CYFIP1: variants seen among roughly 807,000 people sequenced by gnomAD.
CYFIP1 encodes the protein cytoplasmic FMR1-interacting protein 1.
Under a neutral mutation model 163.5 loss-of-function variants are expected in CYFIP1, and 58 were observed. That is an observed-to-expected ratio of 0.35 (90% CI 0.29 to 0.44). The LOEUF (loss-of-function observed/expected upper bound fraction) is 0.44, where lower values mean the gene tolerates loss of function less well. CYFIP1 is among the 20% of genes least tolerant of loss of function. The pLI, the probability that CYFIP1 is intolerant of heterozygous loss-of-function variation, is 1.00. For synonymous variants in CYFIP1, 663 were observed against 660.7 expected, an observed-to-expected ratio of 1.00 and a Z score of -0.05; for missense variants, 1,338 against 1,653.8, an observed-to-expected ratio of 0.81 and a Z score of 3.31.
chr15:22,914,800 C>T lies in CYFIP1; in HGVS notation c.1911G>A (p.Gln637=), dbSNP rs752717639. 6 of 1,613,746 alleles carry T rather than the reference C, an allele frequency of 3.7e-6. No individual in the cohort carries two copies. The East Asian group carries it at 1.3e-4, about 36-fold the overall frequency. ...AGGGCATCGACATCTCAATGGGGAA[C>T]TGGATCCTCCTGCCCATGGTCAGCT... is the stretch of plus-strand genomic sequence containing the variant. ...FLELTMGRRI[Q]FPIEMSMPWI... The change falls in exon 17 of 31, where the codon CAG becomes CAA. Residue 637 remains glutamine, a synonymous_variant. Transcript: ENST00000617928.
At chr15:22,944,205 C>T (rs1174006817) in intron 5 of CYFIP1, among the ~76,000 whole-genome samples, 5 of 141,936 alleles carry the variant, frequency 3.5e-5, no homozygotes, top group Non-Finnish European at 7.5e-5. Context: ...TGCCATTGCA[C>T]TCTAGCCAGG....
rs141272440 is a variant in CYFIP1, at chr15:22,905,403, G to C, written c.2389-1498C>G. 1.9e-3 allele frequency: 287 copies of C among 152,016 alleles called. 3 individuals carry two copies. The highest frequency in any genetic ancestry group is 6.3e-3 in the African/African-American group (261 of 41,466). The allele number at this position is 152,016 out of a possible 1,614,324, so 9.4% of individuals were successfully genotyped here. ...GGTACACTGAATCTTCATCATCCAT[G>C]ATGATGATCATCTGAGAACATCATT... On this transcript the variant is annotated intron_variant, in intron 21 of 30. Coordinates refer to ENST00000617928, the MANE Select transcript of CYFIP1 (RefSeq NM_014608.6).
chr15:22,924,112 C>T (rs548014451), intron 13 of CYFIP1, among the ~76,000 whole-genome samples: 1 of 151,956 alleles, frequency 6.6e-6, no homozygotes, highest in Admixed American at 6.6e-5. Context: ...AACAGTGATA[C>T]CTGTGTGAAT....
At chr15:22,904,699 C>T (rs1040986823) in intron 21 of CYFIP1, 5 of 152,156 alleles carry the variant, frequency 3.3e-5, no homozygotes, top group African/African-American at 9.7e-5. Flanking sequence ...ATCAAAGCCT[C>T]GACCAATGAT....
chr15:22,980,229 G>A (rs1181146414), intron 1 of CYFIP1, 58 bp downstream of exon 1: 1 of 151,554 alleles, frequency 6.6e-6, no homozygotes, highest in African/African-American at 2.4e-5. Context: ...CAGGTTCCGA[G>A]GGGGACCCGG....
At chr15:22,978,147 T>C (rs2063339481) in intron 1 of CYFIP1, among the ~76,000 whole-genome samples, 2 of 150,358 alleles carry the variant, frequency 1.3e-5, no homozygotes, top group Admixed American at 1.3e-4. Flanking sequence ...AGGTCAGGAG[T>C]TCAAGACCAG....
intron 23 of CYFIP1, among the ~76,000 whole-genome samples, chr15:22,888,976 T>C (rs889829868): frequency 1.3e-5 from 2 of 151,042 alleles, no homozygotes; most frequent in Admixed American, 1.3e-4. Flanking sequence ...CAATAATCAC[T>C]GGAGGTTGCA....
Position 22,957,063 on chromosome 15 carries a change from G to T in CYFIP1, c.-6-9772C>A, listed in dbSNP as rs538587473. Among the ~76,000 whole-genome samples the T allele has an allele frequency of 3.0e-3, 457 of 152,360 alleles. 2 individuals carry two copies. The highest frequency in any genetic ancestry group is 0.01 in the African/African-American group (435 of 41,582). ...CAATCCAGAAAATGCAGAAGCGAAG[G>T]CGTCGGTGCCACGCAGGCGGCAGTG... is the stretch of plus-strand genomic sequence containing the variant. On this transcript the variant is annotated intron_variant, in intron 1 of 30. Coordinates refer to ENST00000617928, the MANE Select transcript of CYFIP1 (RefSeq NM_014608.6).
chr15:22,936,815 C>T (rs1045058094), intron 9 of CYFIP1, among the ~76,000 whole-genome samples: 5 of 152,214 alleles, frequency 3.3e-5, no homozygotes, highest in Non-Finnish European at 7.3e-5. Flanking sequence ...CTACGGGCTT[C>T]CTCCAGGATG....
chr15:22,870,357 CTG>C, intron 30 of CYFIP1, among the ~76,000 whole-genome samples, 165 bp from the exon 31 acceptor site: 1 of 151,998 alleles, frequency 6.6e-6, no homozygotes, highest in Non-Finnish European at 1.5e-5. Context: ...GGGTCTCACT[CTG>C]ACGCCCAGGC....
At chr15:22,894,808 T>C (rs562695311) in intron 22 of CYFIP1, among the ~76,000 whole-genome samples, 1 of 147,788 alleles carries the variant, frequency 6.8e-6, no homozygotes, top group Non-Finnish European at 1.5e-5. Context: ...TACATGTATT[T>C]ATTCTATATA....
chr15:22,928,743 A>C (rs1306587637), intron 11 of CYFIP1, among the ~76,000 whole-genome samples: 1 of 152,230 alleles, frequency 6.6e-6, no homozygotes. Flanking sequence ...CTTTTTATAG[A>C]TGTGATATTA....
chr15:22,909,230 A>C lies in CYFIP1; in HGVS notation c.2352T>G (p.Ile784Met). ...AAMYKSLELAIGRFESEDLTS... is the reference protein window; with the variant it reads ...AAMYKSLELAMGRFESEDLTS... ...TCAAATCTTCACTTTCAAATCGTCC[A>C]ATCGCCAGTTCTAGGGACTTATACA... The change falls in exon 21 of 31, where the codon ATT (isoleucine) becomes ATG (methionine). Residue 784 changes from isoleucine to methionine, a missense_variant. Around this residue, in one of 4 missense-constraint regions of CYFIP1, gnomAD observed 824 missense variants for 995.7 expected, o/e 0.83. Transcript: ENST00000617928. The C allele has an allele frequency of 6.2e-7, 1 of 1,614,204 alleles. No homozygotes were observed. The highest frequency in any genetic ancestry group is 8.5e-7 in the Non-Finnish European group (1 of 1,180,020).
At chr15:22,979,064 T>C (rs960884803) in intron 1 of CYFIP1, among the ~76,000 whole-genome samples, 1 of 152,100 alleles carries the variant, frequency 6.6e-6, no homozygotes, top group African/African-American at 2.4e-5. Context: ...CAGACACCTG[T>C]CTTAACGCAG....
intron 16 of CYFIP1, 160 bp from the exon 17 acceptor site, chr15:22,915,042 C>A: frequency 1.6e-6 from 1 of 635,522 alleles, no homozygotes; most frequent in Non-Finnish European, 2.5e-6. Flanking sequence ...GGGCCTTGCA[C>A]TAGGGACAGG....
In CYFIP1 at chr15:22,917,646, C is replaced by G; in HGVS notation, c.1674+142G>C. The G allele has an allele frequency of 9.6e-7, 1 of 1,038,528 alleles. No individual in the cohort carries two copies. Among genetic ancestry groups the G allele is most frequent in the Non-Finnish European group, 1.3e-6 (1 of 746,032 alleles). 64.3% of individuals were successfully genotyped at this position (1,038,528 alleles called of 1,614,324 possible). On this transcript the variant is annotated intron_variant, in intron 15 of 30. Transcript: ENST00000617928. This position sits in a 1 kb window ranked among gnomAD's most constrained non-coding sequence, Gnocchi z 4.2. Reference sequence around the variant, plus strand: ...ACTTGGGTGGGAAACAGAGGAGCAGCAGAAACCACAGGCGCCACTTTCTCT... The same window carrying G: ...ACTTGGGTGGGAAACAGAGGAGCAGGAGAAACCACAGGCGCCACTTTCTCT...
Position 22,910,769 on chromosome 15 carries a change from C to G in CYFIP1, c.2127G>C (p.Gln709His), listed in dbSNP as rs754116122. The change falls in exon 19 of 31, where the codon CAG (glutamine) becomes CAC (histidine). Residue 709 changes from glutamine to histidine, a missense_variant. Around this residue, in one of 4 missense-constraint regions of CYFIP1, gnomAD observed 824 missense variants for 995.7 expected, o/e 0.83. Coordinates refer to ENST00000617928, the MANE Select transcript of CYFIP1 (RefSeq NM_014608.6). Reference protein sequence around the residue: ...FDQFVYKLADQIFAYYKVMAG... With the variant: ...FDQFVYKLADHIFAYYKVMAG... ...CCATAACCTTATAATAGGCAAATAT[C>G]TGGTCTGCTAGCTTGTAAACAAATT... 1.7e-5 allele frequency: 28 copies of G among 1,613,906 alleles called. No individual in the cohort carries two copies. Among genetic ancestry groups the G allele is most frequent in the Non-Finnish European group, 5.1e-6 (6 of 1,179,910 alleles).
At chr15:22,931,445 C>G (rs1282726136) in intron 11 of CYFIP1, among the ~76,000 whole-genome samples, 2 of 152,022 alleles carry the variant, frequency 1.3e-5, no homozygotes, top group Non-Finnish European at 2.9e-5. Context: ...ACCCAATGCC[C>G]CTGGGACGTC....
intron 8 of CYFIP1, among the ~76,000 whole-genome samples, chr15:22,938,602 C>T (rs939615642): frequency 6.6e-6 from 1 of 150,808 alleles, no homozygotes; most frequent in Admixed American, 6.6e-5. Flanking sequence ...AAAGCCCTGT[C>T]TCAAAAATAA....
Sources: allele counts gnomAD v4.1 joint callset (sites outside exome capture counted in the v4.1 genomes callset), GRCh38; gene constraint gnomAD v4.1.1; regional missense constraint gnomAD v4.1.1; non-coding constraint Gnocchi (gnomAD v3.1); transcripts MANE v1.5; gene names NCBI Gene and HGNC (gene_info 2026-07-23, HGNC 2026-07-21).